The following GRK4 variants were observed in gnomAD, a reference collection of about 807,000 sequenced individuals.
GRK4 encodes G protein-coupled receptor kinase 2-like.
A neutral mutation model predicts 77.9 loss-of-function variants in GRK4; 73 were observed. The observed-to-expected ratio is 0.94, with a 90% CI of 0.78 to 1.14. The LOEUF (loss-of-function observed/expected upper bound fraction) is 1.14, where lower values mean the gene tolerates loss of function less well. GRK4 is among the 50% of genes most tolerant of loss of function. GRK4 has a pLI of 0.00. For missense variants in GRK4, 729 were observed against 700.2 expected, an observed-to-expected ratio of 1.04 and a Z score of -0.46; for synonymous variants, 257 against 254.4, an observed-to-expected ratio of 1.01 and a Z score of -0.10.
At chr4:2,967,791 A>C (rs534606645) in intron 1 of GRK4, among the ~76,000 whole-genome samples, 1 of 151,254 alleles carries the variant, frequency 6.6e-6, no homozygotes, top group South Asian at 2.1e-4. Context: ...ATATAAAAAC[A>C]ATTTTTTTTT....
intron 1 of GRK4, among the ~76,000 whole-genome samples, chr4:2,983,403 A>G (rs1196209250): frequency 3.3e-5 from 5 of 152,232 alleles, no homozygotes; most frequent in Non-Finnish European, 2.9e-5. Flanking sequence ...TTGAGATTGA[A>G]GATGCTCATT....
At chr4:2,971,847 C>T (rs1181900459) in intron 1 of GRK4, among the ~76,000 whole-genome samples, 2 of 152,194 alleles carry the variant, frequency 1.3e-5, no homozygotes, top group Non-Finnish European at 2.9e-5. Context: ...GATCTGTCTT[C>T]ATCTTCACGT....
At chr4:2,982,299 G>T (rs962477310) in intron 1 of GRK4, among the ~76,000 whole-genome samples, 2 of 152,260 alleles carry the variant, frequency 1.3e-5, no homozygotes, top group African/African-American at 4.8e-5. Context: ...TCGCTGCTTG[G>T]ATCCTGGGAA....
rs150468626 is a variant in GRK4, at chr4:3,010,352, G to T, written c.600+641G>T. Among the ~76,000 whole-genome samples, 1,448 of 152,088 alleles carry T rather than the reference G, an allele frequency of 9.5e-3. 25 individuals carry two copies. The highest frequency in any genetic ancestry group is 0.033 in the African/African-American group (1,352 of 41,512). ...AGCGATTCTCCTGCCTCAGCCTCCC[G>T]AGTAGCTGGTATTACAGGCATGCGC... On this transcript the variant is annotated intron_variant, in intron 7 of 15. Transcript: ENST00000398052.
At chr4:2,990,839 G>A (rs1725939485) in intron 3 of GRK4, among the ~76,000 whole-genome samples, 1 of 152,046 alleles carries the variant, frequency 6.6e-6, no homozygotes, top group Admixed American at 6.6e-5. Flanking sequence ...TTTTTTTGAT[G>A]GCAGTTGTGT....
intron 15 of GRK4, among the ~76,000 whole-genome samples, chr4:3,039,087 A>G (rs1382112882): frequency 3.9e-5 from 6 of 152,076 alleles, no homozygotes; most frequent in South Asian, 2.1e-4. Context: ...GTGGTGGCAC[A>G]TGCCTGTAGT....
At chr4:2,999,028 A>G (rs1728776729) in intron 4 of GRK4, among the ~76,000 whole-genome samples, 1 of 152,218 alleles carries the variant, frequency 6.6e-6, no homozygotes, top group South Asian at 2.1e-4. Context: ...ACAGCAGTCA[A>G]TGGTATGGAA....
In GRK4 at chr4:3,037,422, GT is replaced by G. The variant is rs1419361765; in HGVS notation, c.1457del (p.Val486GlyfsTer2). 3 of 1,611,734 alleles carry G rather than the reference GT, an allele frequency of 1.9e-6. No individual in the cohort carries two copies. Among genetic ancestry groups the G allele is most frequent in the Non-Finnish European group, 2.5e-6 (3 of 1,178,180 alleles). The part of the protein sequence containing the change: ...KDVLDIEQFS[V>X]VKGIYLDTAD... ...CGTCCTGGATATCGAGCAGTTCTCG[GT>G]GGTGAAAGGGATCTACCTGGACACC... On this transcript the variant is annotated frameshift_variant, in exon 14 of 16. Coordinates refer to ENST00000398052, the MANE Select transcript of GRK4 (RefSeq NM_182982.3). LOFTEE classifies it high-confidence loss of function.
chr4:2,965,966 T>C (rs1201284562), intron 1 of GRK4: 1 of 171,044 alleles, frequency 5.8e-6, no homozygotes, highest in Admixed American at 5.4e-5. Context: ...CCTTCCTATC[T>C]GCATGTAATT....
At chr4:3,009,811 C>T in intron 7 of GRK4, 100 bp downstream of exon 7, 1 of 756,932 alleles carries the variant, frequency 1.3e-6, no homozygotes, top group Non-Finnish European at 2.2e-6. Context: ...TCCCAGTACA[C>T]TGTTGCCTTA....
Position 2,965,417 on chromosome 4 carries a change from A to G in GRK4, c.52+1295A>G, listed in dbSNP as rs1460985228. On this transcript the variant is annotated intron_variant, in intron 1 of 15. Coordinates refer to ENST00000398052, the MANE Select transcript of GRK4 (RefSeq NM_182982.3). ...CCTGTGCTAGCCACGGTAGTTCTTC[A>G]CACCCCGTCACTCTTACGGAATTGC... The G allele has an allele frequency of 7.1e-6, 5 of 702,966 alleles. 1 individual carries two copies. The highest frequency in any genetic ancestry group is 7.0e-5 in the African/African-American group (4 of 57,334). The allele number at this position is 702,966 out of a possible 1,614,324, so 43.5% of individuals were successfully genotyped here. A position where few individuals can be genotyped will look rare whatever the true frequency, so the allele number is the denominator to read the frequency against.
chr4:3,013,989 A>C (rs1733684809), intron 8 of GRK4, among the ~76,000 whole-genome samples, 161 bp downstream of exon 8: 1 of 152,150 alleles, frequency 6.6e-6, no homozygotes, highest in Non-Finnish European at 1.5e-5. Context: ...TTTTGTTTTT[A>C]GTAACAGCTC....
chr4:3,021,997 C>A (rs1156750571), intron 9 of GRK4, among the ~76,000 whole-genome samples: 1 of 152,160 alleles, frequency 6.6e-6, no homozygotes, highest in East Asian at 1.9e-4. Flanking sequence ...CCACCTCAGC[C>A]CCCTGAGTAG....
chr4:3,001,073 C>CCA (rs1729419139), intron 4 of GRK4, among the ~76,000 whole-genome samples: 6 of 76,122 alleles, frequency 7.9e-5, no homozygotes, highest in Admixed American at 3.5e-4. Context: ...CTAAATGAGA[C>CCA]TATATATATA....
At chr4:2,997,504 G>A (rs1728280023) in intron 4 of GRK4, among the ~76,000 whole-genome samples, 1 of 152,058 alleles carries the variant, frequency 6.6e-6, no homozygotes, top group Admixed American at 6.6e-5. Context: ...TGAGGGGAAG[G>A]GACCAACGTT....
intron 5 of GRK4, among the ~76,000 whole-genome samples, chr4:3,006,662 T>C (rs1206751223): frequency 6.6e-6 from 1 of 152,018 alleles, no homozygotes; most frequent in East Asian, 1.9e-4. Context: ...TAGTCCCAGC[T>C]ATTCAGAAGG....
intron 1 of GRK4, chr4:2,966,020 A>G (rs927043357): frequency 2.5e-5 from 4 of 161,692 alleles, no homozygotes; most frequent in African/African-American, 9.6e-5. Flanking sequence ...ATAATGCTGC[A>G]GAGATTAGAT....
chr4:3,039,392 A>G (rs1037860496), intron 15 of GRK4, among the ~76,000 whole-genome samples: 3 of 151,762 alleles, frequency 2.0e-5, no homozygotes, highest in Non-Finnish European at 4.4e-5. Flanking sequence ...ATTCTAATCC[A>G]TCTTTCTTTC....
intron 12 of GRK4, among the ~76,000 whole-genome samples, chr4:3,035,170 G>A (rs1346573989): frequency 4.0e-5 from 6 of 151,890 alleles, no homozygotes; most frequent in African/African-American, 7.3e-5. Context: ...GCGTGAACCC[G>A]GGAGGCTGAG....
Sources: allele counts gnomAD v4.1 joint callset (sites outside exome capture counted in the v4.1 genomes callset), GRCh38; gene constraint gnomAD v4.1.1; transcripts MANE v1.5; gene names NCBI Gene and HGNC (gene_info 2026-07-23, HGNC 2026-07-21).